HDAC9: variants seen among roughly 807,000 people sequenced by gnomAD.
The protein encoded by HDAC9 is histone deacetylase 9, also known as MEF-2 interacting transcription repressor (MITR) protein.
Under a neutral mutation model 139.4 loss-of-function variants are expected in HDAC9, and 41 were observed. The observed-to-expected ratio is 0.29, with a 90% confidence interval of 0.23 to 0.38. The LOEUF is 0.38. Ranked by LOEUF, HDAC9 falls within the 10% of genes least tolerant of loss-of-function variation. The pLI is 1.00. For synonymous variants in HDAC9, 517 were observed against 476.2 expected, an observed-to-expected ratio of 1.09 and a Z score of -1.12; for missense variants, 1,147 against 1,297.0, an observed-to-expected ratio of 0.88 and a Z score of 1.78.
chr7:18,786,185 T>A (rs1370041907), intron 16 of HDAC9, among the ~76,000 whole-genome samples: 4 of 152,160 alleles, frequency 2.6e-5, no homozygotes, highest in Admixed American at 1.3e-4. Context: ...GCACTCATCC[T>A]TTTTATCCCT....
chr7:18,192,118 G>C (rs952895058), intron 2 of HDAC9, among the ~76,000 whole-genome samples: 16 of 152,166 alleles, frequency 1.1e-4, no homozygotes, highest in African/African-American at 3.6e-4. Context: ...GAACCCGGCC[G>C]GGGGGCGGGG....
At chr7:18,154,944 C>T (rs535467459) in intron 1 of HDAC9, among the ~76,000 whole-genome samples, 14 of 152,172 alleles carry the variant, frequency 9.2e-5, no homozygotes, top group Non-Finnish European at 1.8e-4. Flanking sequence ...GTGTGAGTTA[C>T]AAAGCCCTCC....
chr7:18,134,740 T>C (rs1785271179), intron 1 of HDAC9, among the ~76,000 whole-genome samples: 2 of 152,190 alleles, frequency 1.3e-5, no homozygotes, highest in Admixed American at 6.6e-5. Flanking sequence ...ACCAGAAATA[T>C]TCTTCTCTCT....
At chr7:18,480,679 C>T (rs1056803808) in intron 1 of HDAC9, among the ~76,000 whole-genome samples, 5 of 152,066 alleles carry the variant, frequency 3.3e-5, no homozygotes, top group African/African-American at 1.2e-4. Context: ...TGCTGCAACA[C>T]GTGTTTCTAT....
At chr7:18,164,201 A>T (rs772754485) in intron 2 of HDAC9, among the ~76,000 whole-genome samples, 2 of 152,346 alleles carry the variant, frequency 1.3e-5, no homozygotes, top group Non-Finnish European at 2.9e-5. Flanking sequence ...TAAATGTGCC[A>T]GGTGGGTAGG....
At chr7:18,429,663 T>A (rs185920307) in intron 1 of HDAC9, among the ~76,000 whole-genome samples, 3 of 152,268 alleles carry the variant, frequency 2.0e-5, no homozygotes, top group East Asian at 3.9e-4. Context: ...TTTGGTAAAA[T>A]TTTTTCATGT....
At chr7:18,642,717 T>C (rs1786071752) in intron 8 of HDAC9, among the ~76,000 whole-genome samples, 1 of 152,064 alleles carries the variant, frequency 6.6e-6, no homozygotes, top group Admixed American at 6.6e-5. Context: ...TTCACTGTAG[T>C]CAAAGCCAGT....
intron 22 of HDAC9, among the ~76,000 whole-genome samples, chr7:18,920,384 A>C: frequency 6.6e-6 from 1 of 152,208 alleles, no homozygotes; most frequent in Admixed American, 6.5e-5. Context: ...CAGCTTAAGG[A>C]GATTTTGGGC....
intron 22 of HDAC9, among the ~76,000 whole-genome samples, chr7:18,918,247 G>A (rs1803384866): frequency 6.6e-6 from 1 of 151,776 alleles, no homozygotes; most frequent in Non-Finnish European, 1.5e-5. Flanking sequence ...CATGTTTGCA[G>A]AGGGAGAATG....
intron 12 of HDAC9, among the ~76,000 whole-genome samples, chr7:18,672,725 C>T (rs1795739394): frequency 6.6e-6 from 1 of 151,970 alleles, no homozygotes; most frequent in South Asian, 2.1e-4. Context: ...CATTTTGTGT[C>T]ATACACATTG....
intron 12 of HDAC9, among the ~76,000 whole-genome samples, chr7:18,717,513 C>T (rs1450701658): frequency 2.0e-5 from 3 of 150,106 alleles, no homozygotes; most frequent in African/African-American, 7.4e-5. Context: ...CTCACTGCAA[C>T]CTCCGCCCCC....
At chr7:18,718,060 C>T (rs1433104535) in intron 12 of HDAC9, among the ~76,000 whole-genome samples, 5 of 152,062 alleles carry the variant, frequency 3.3e-5, no homozygotes, top group African/African-American at 9.7e-5. Flanking sequence ...GTGCAACCAT[C>T]ACCAGAGTCA....
chr7:18,543,133 A>T (rs1022626076), intron 2 of HDAC9: 1 of 152,102 alleles, frequency 6.6e-6, no homozygotes, highest in Non-Finnish European at 1.5e-5. Context: ...TTTTTGACAG[A>T]CCCTGTGTAT....
At chr7:18,590,198 T>C in intron 3 of HDAC9, 138 bp from the exon 4 acceptor site, 1 of 906,870 alleles carries the variant, frequency 1.1e-6, no homozygotes, top group Non-Finnish European at 1.6e-6. Flanking sequence ...TAGATTTCAA[T>C]GATTTACAGA....
At chr7:18,511,718 A>C (rs1012049816) in intron 2 of HDAC9, among the ~76,000 whole-genome samples, 1 of 152,232 alleles carries the variant, frequency 6.6e-6, no homozygotes, top group African/African-American at 2.4e-5. Context: ...CTCAACCAAC[A>C]GGTAACAGAG....
intron 1 of HDAC9, among the ~76,000 whole-genome samples, chr7:18,143,912 A>G (rs1337362642): frequency 6.6e-6 from 1 of 152,136 alleles, no homozygotes; most frequent in African/African-American, 2.4e-5. Flanking sequence ...TGTGGCAGAT[A>G]ATCTCATTAG....
At chr7:18,165,811 AAAG>A (rs1275900274) in intron 2 of HDAC9, among the ~76,000 whole-genome samples, 1 of 151,804 alleles carries the variant, frequency 6.6e-6, no homozygotes, top group Non-Finnish European at 1.5e-5. Context: ...AAAAAAAAAA[AAAG>A]AAAGAAAGAA....
chr7:18,610,384 T>C (rs927178080), intron 6 of HDAC9, among the ~76,000 whole-genome samples: 1 of 152,076 alleles, frequency 6.6e-6, no homozygotes, highest in Non-Finnish European at 1.5e-5. Flanking sequence ...GCAGTAATGC[T>C]CTCCCTCCAA....
intron 17 of HDAC9, among the ~76,000 whole-genome samples, chr7:18,825,145 A>G (rs1323522902): frequency 6.6e-6 from 1 of 152,214 alleles, no homozygotes; most frequent in Non-Finnish European, 1.5e-5. Flanking sequence ...GCTAATATAT[A>G]TTGGGCTGGT....
Sources: allele counts gnomAD v4.1 joint callset (sites outside exome capture counted in the v4.1 genomes callset), GRCh38; gene constraint gnomAD v4.1.1; transcripts MANE v1.5; gene names NCBI Gene and HGNC (gene_info 2026-07-23, HGNC 2026-07-21).